Variants in BMP6 observed in about 807,000 individuals in gnomAD.
The protein encoded by BMP6 is bone morphogenetic protein 6.
Under a neutral mutation model 54.1 loss-of-function variants are expected in BMP6, and 17 were observed. The observed-to-expected ratio is 0.31, with a 90% CI of 0.22 to 0.47. The LOEUF is 0.47. BMP6 is among the 20% of genes least tolerant of loss of function. The probability of loss-of-function intolerance (pLI) is 1.00; values close to 1 mark genes in which losing one functional copy is unlikely to be tolerated. For synonymous variants in BMP6, 328 were observed against 291.2 expected, an observed-to-expected ratio of 1.13 and a Z score of -1.28; for missense variants, 720 against 690.4, an observed-to-expected ratio of 1.04 and a Z score of -0.48.
At position 7,881,560 on chromosome 6, in the gene BMP6, C is replaced by T. The variant is rs1455337931; in HGVS notation, c.*1217C>T. On this transcript the variant is annotated 3_prime_UTR_variant, in exon 7 of 7. Coordinates refer to ENST00000283147, the MANE Select transcript of BMP6 (RefSeq NM_001718.6). ...TATTTAGAAAGTATCATAGTGTAAA[C>T]AAACAAATTGTACCACTTTGATTTT... 6.6e-6 allele frequency: 1 copy of T among 152,128 alleles called. No individual in the cohort carries two copies. Among genetic ancestry groups the T allele is most frequent in the East Asian group, 1.9e-4 (1 of 5,190 alleles). The allele number at this position is 152,128 out of a possible 1,614,324, so 9.4% of individuals were successfully genotyped here.
chr6:7,788,960 C>T (rs1466340767), intron 1 of BMP6, among the ~76,000 whole-genome samples: 1 of 151,628 alleles, frequency 6.6e-6, no homozygotes, highest in Non-Finnish European at 1.5e-5. Flanking sequence ...TTGTATTTGG[C>T]AACCCAAGGA....
At chr6:7,845,615 C>T (rs993732669) in intron 2 of BMP6, among the ~76,000 whole-genome samples, 3 of 152,116 alleles carry the variant, frequency 2.0e-5, no homozygotes, top group Admixed American at 2.0e-4. Flanking sequence ...TTAAAATGTT[C>T]CCACTATTGA....
At chr6:7,807,012 T>C (rs1287464613) in intron 1 of BMP6, among the ~76,000 whole-genome samples, 1 of 152,250 alleles carries the variant, frequency 6.6e-6, no homozygotes, top group East Asian at 1.9e-4. Flanking sequence ...ACTGTTTCTC[T>C]GCTATCCCAT....
Position 7,879,012 on chromosome 6 carries a change from A to C in BMP6, c.1205-62A>C, listed in dbSNP as rs867099853. 68 of 1,509,396 alleles carry C rather than the reference A, an allele frequency of 4.5e-5. 1 individual carries two copies. The South Asian group carries it at 7.1e-4, about 16-fold the overall frequency. 93.5% of individuals were successfully genotyped at this position (1,509,396 alleles called of 1,614,324 possible). ...CTGGCATGTGGTAAACTCTCTATGA[A>C]GGAATTAATGAGTTGATGGGTGCAT... is the stretch of plus-strand genomic sequence containing the variant. On this transcript the variant is annotated intron_variant, in intron 4 of 6. Transcript: ENST00000283147.
chr6:7,812,970 A>AG (rs1442217210), intron 1 of BMP6, among the ~76,000 whole-genome samples: 3 of 112,242 alleles, frequency 2.7e-5, no homozygotes, highest in African/African-American at 9.8e-5. Flanking sequence ...TACAAAGGTG[A>AG]GGAAAAAAAA....
intron 1 of BMP6, among the ~76,000 whole-genome samples, chr6:7,732,319 G>T (rs1019176590): frequency 1.3e-5 from 2 of 152,146 alleles, no homozygotes; most frequent in African/African-American, 4.8e-5. Flanking sequence ...AAATTCAGTG[G>T]CATTTCAACA....
chr6:7,778,799 C>A (rs1261956780), intron 1 of BMP6, among the ~76,000 whole-genome samples: 1 of 152,226 alleles, frequency 6.6e-6, no homozygotes, highest in African/African-American at 2.4e-5. Context: ...CACCACCTTT[C>A]TGCCATTTGG....
At chr6:7,744,144 T>C (rs186573734) in intron 1 of BMP6, among the ~76,000 whole-genome samples, 7 of 152,356 alleles carry the variant, frequency 4.6e-5, no homozygotes, top group Admixed American at 4.6e-4. Context: ...CCATCCATTT[T>C]CCCATTCAGC....
rs535533277 is a variant in BMP6, at chr6:7,813,160, G to A, written c.665-31980G>A. Among the ~76,000 whole-genome samples, 48 of 100,724 alleles carry A rather than the reference G, an allele frequency of 4.8e-4. No homozygotes were observed. The Admixed American group carries it at 5.3e-3, about 11-fold the overall frequency. The allele number at this position is 100,724 out of a possible 152,430, so 66.1% of individuals were successfully genotyped here. Reference sequence around the variant, plus strand: ...ATATATATATATATAAAATTAGTGGGCATGGTAGTAGATAAGGGATCTTCA... The same window carrying A: ...ATATATATATATATAAAATTAGTGGACATGGTAGTAGATAAGGGATCTTCA... On this transcript the variant is annotated intron_variant, in intron 1 of 6. Coordinates refer to ENST00000283147, the MANE Select transcript of BMP6 (RefSeq NM_001718.6).
At chr6:7,819,092 CACAG>C (rs1289105137) in intron 1 of BMP6, among the ~76,000 whole-genome samples, 2 of 152,278 alleles carry the variant, frequency 1.3e-5, no homozygotes, top group Non-Finnish European at 1.5e-5. Flanking sequence ...GATTTAGGCA[CACAG>C]ACAGGCGTGT....
chr6:7,864,797 G>A (rs894598893), intron 4 of BMP6, among the ~76,000 whole-genome samples: 1 of 152,172 alleles, frequency 6.6e-6, no homozygotes, highest in African/African-American at 2.4e-5. Flanking sequence ...AGTCAGGGTT[G>A]GGGTTTTTGA....
chr6:7,868,375 G>A (rs961353745), intron 4 of BMP6, among the ~76,000 whole-genome samples: 2 of 152,258 alleles, frequency 1.3e-5, no homozygotes, highest in African/African-American at 2.4e-5. Context: ...ACCCCAGTGT[G>A]GTCCCTGGCC....
intron 2 of BMP6, among the ~76,000 whole-genome samples, chr6:7,856,886 G>A (rs1002155037): frequency 6.6e-6 from 1 of 152,028 alleles, no homozygotes; most frequent in Admixed American, 6.5e-5. Context: ...GTGAGCCACC[G>A]CGCCCGGCCT....
chr6:7,848,508 C>T (rs1345119757), intron 2 of BMP6, among the ~76,000 whole-genome samples: 2 of 152,172 alleles, frequency 1.3e-5, no homozygotes, highest in African/African-American at 2.4e-5. Flanking sequence ...TCAGTGATTT[C>T]AGTTCCCCAG....
intron 1 of BMP6, among the ~76,000 whole-genome samples, chr6:7,744,312 C>A (rs534447462): frequency 6.6e-6 from 1 of 152,222 alleles, no homozygotes; most frequent in African/African-American, 2.4e-5. Context: ...CTTGTCTCTA[C>A]CAAAAATACA....
At chr6:7,795,499 G>A (rs976149328) in intron 1 of BMP6, among the ~76,000 whole-genome samples, 3 of 152,174 alleles carry the variant, frequency 2.0e-5, no homozygotes, top group Non-Finnish European at 4.4e-5. Flanking sequence ...GAGAGGCAAG[G>A]TCCTGGCTAC....
At chr6:7,735,894 G>A (rs776308696) in intron 1 of BMP6, among the ~76,000 whole-genome samples, 1 of 152,178 alleles carries the variant, frequency 6.6e-6, no homozygotes, top group African/African-American at 2.4e-5. Context: ...CAAATCCTCT[G>A]TGGAGAAGCT....
intron 1 of BMP6, among the ~76,000 whole-genome samples, chr6:7,812,338 T>C (rs1581258242): frequency 6.6e-6 from 1 of 152,226 alleles, no homozygotes; most frequent in South Asian, 2.1e-4. Context: ...CTAGACACAT[T>C]TGAAATTCAG....
At chr6:7,787,943 A>G (rs1758042586) in intron 1 of BMP6, among the ~76,000 whole-genome samples, 1 of 151,912 alleles carries the variant, frequency 6.6e-6, no homozygotes, top group Non-Finnish European at 1.5e-5. Context: ...ACTATGGTAG[A>G]TTGATTTTTT....
Sources: allele counts gnomAD v4.1 joint callset (sites outside exome capture counted in the v4.1 genomes callset), GRCh38; gene constraint gnomAD v4.1.1; transcripts MANE v1.5; gene names NCBI Gene and HGNC (gene_info 2026-07-23, HGNC 2026-07-21).